CNTN4: variants seen among roughly 807,000 people sequenced by gnomAD.
CNTN4 encodes contactin-4.
Under a neutral mutation model 122.5 loss-of-function variants are expected in CNTN4, and 77 were observed. The ratio of observed to expected loss-of-function variants is 0.63; its 90% CI spans 0.52 to 0.76. The LOEUF (loss-of-function observed/expected upper bound fraction) is 0.76. Ranked by LOEUF, CNTN4 falls within the 30% of genes least tolerant of loss-of-function variation. The pLI is 0.00. For missense variants in CNTN4, 1,256 were observed against 1,259.1 expected (o/e 1.00, Z 0.04); for synonymous variants, 512 against 447.0 (o/e 1.15, Z -1.83).
intron 13 of CNTN4, among the ~76,000 whole-genome samples, chr3:2,933,268 C>G (rs757706514): frequency 6.6e-6 from 1 of 152,100 alleles, no homozygotes; most frequent in African/African-American, 2.4e-5. Context: ...TTTTCCTCTC[C>G]GTGGGAAGAT....
chr3:2,946,829 C>T (rs2151557385), intron 13 of CNTN4, among the ~76,000 whole-genome samples: 1 of 151,906 alleles, frequency 6.6e-6, no homozygotes, highest in South Asian at 2.1e-4. Flanking sequence ...TTCTTAGCCC[C>T]CATGTAGCTG....
At chr3:3,033,034 C>A (rs898291242) in intron 16 of CNTN4, among the ~76,000 whole-genome samples, 2 of 152,104 alleles carry the variant, frequency 1.3e-5, no homozygotes. Context: ...GAGAGGCCAA[C>A]AATGGACTCA....
intron 2 of CNTN4, among the ~76,000 whole-genome samples, chr3:2,218,612 G>A (rs1455889356): frequency 1.3e-5 from 2 of 152,164 alleles, no homozygotes; most frequent in African/African-American, 4.8e-5. Context: ...TTAAATATTT[G>A]TGATAACTAT....
intron 3 of CNTN4, among the ~76,000 whole-genome samples, chr3:2,533,829 G>A (rs2077693152): frequency 6.6e-6 from 1 of 152,154 alleles, no homozygotes; most frequent in Non-Finnish European, 1.5e-5. Context: ...GTGTCTCATT[G>A]TGGTTTTGAT....
intron 2 of CNTN4, among the ~76,000 whole-genome samples, chr3:2,334,532 A>G (rs1281240887): frequency 2.0e-5 from 3 of 150,122 alleles, no homozygotes; most frequent in Non-Finnish European, 4.4e-5. Context: ...AACAAACTAC[A>G]AGAGGTTATA....
intron 3 of CNTN4, among the ~76,000 whole-genome samples, chr3:2,348,349 C>A (rs1176071546): frequency 6.6e-6 from 1 of 152,148 alleles, no homozygotes; most frequent in African/African-American, 2.4e-5. Flanking sequence ...TTTCTACCTT[C>A]TTTTCATGGA....
At chr3:2,833,940 G>C (rs968866592) in intron 7 of CNTN4, among the ~76,000 whole-genome samples, 3 of 152,182 alleles carry the variant, frequency 2.0e-5, no homozygotes, top group Admixed American at 1.3e-4. Flanking sequence ...AGGAAATCGA[G>C]ACCATCCTGG....
intron 2 of CNTN4, among the ~76,000 whole-genome samples, chr3:2,235,403 C>G (rs558855178): frequency 5.5e-4 from 83 of 152,274 alleles, no homozygotes; most frequent in African/African-American, 1.9e-3. Context: ...TGTTTTTCAA[C>G]ATGCTACAGT....
At chr3:2,576,398 G>A (rs2079686518) in intron 4 of CNTN4, among the ~76,000 whole-genome samples, 1 of 152,166 alleles carries the variant, frequency 6.6e-6, no homozygotes, top group African/African-American at 2.4e-5. Context: ...CTATGGACTA[G>A]CAATACTATG....
chr3:2,949,046 C>G (rs2094708796), intron 13 of CNTN4, among the ~76,000 whole-genome samples: 1 of 152,136 alleles, frequency 6.6e-6, no homozygotes, highest in Non-Finnish European at 1.5e-5. Context: ...ATCTCTCTGA[C>G]CATATCTGCT....
At chr3:2,317,215 G>A (rs951387222) in intron 2 of CNTN4, among the ~76,000 whole-genome samples, 3 of 152,166 alleles carry the variant, frequency 2.0e-5, no homozygotes, top group African/African-American at 7.2e-5. Context: ...AGACCTGATG[G>A]ATTATCATAA....
chr3:2,428,622 C>T (rs763218619), intron 3 of CNTN4, among the ~76,000 whole-genome samples: 6 of 152,108 alleles, frequency 3.9e-5, no homozygotes, highest in Admixed American at 2.0e-4. Flanking sequence ...GTTGGCTTGC[C>T]TTGCTAGTTG....
At chr3:2,783,084 G>C (rs561297878) in intron 6 of CNTN4, among the ~76,000 whole-genome samples, 2 of 152,140 alleles carry the variant, frequency 1.3e-5, no homozygotes, top group Admixed American at 1.3e-4. Flanking sequence ...TTCAGGACCA[G>C]CCTGGGCAAC....
chr3:2,322,136 A>G (rs962721847), intron 2 of CNTN4, among the ~76,000 whole-genome samples: 1 of 152,176 alleles, frequency 6.6e-6, no homozygotes, highest in African/African-American at 2.4e-5. Flanking sequence ...AGATTACTCT[A>G]TCTATTTTGT....
At chr3:2,287,783 A>G (rs545029426) in intron 2 of CNTN4, among the ~76,000 whole-genome samples, 1 of 149,284 alleles carries the variant, frequency 6.7e-6, no homozygotes, top group Non-Finnish European at 1.5e-5. Flanking sequence ...AAGAAGGAGA[A>G]GAAGAGGAGG....
intron 10 of CNTN4, among the ~76,000 whole-genome samples, chr3:2,888,500 C>A (rs2094002818): frequency 6.6e-6 from 1 of 152,078 alleles, no homozygotes; most frequent in Non-Finnish European, 1.5e-5. Context: ...TCTGGTCTAC[C>A]TTTTGACATC....
Position 2,458,499 on chromosome 3 carries a change from G to A in CNTN4, c.-88-112917G>A, listed in dbSNP as rs181113718. ...TTTTCATATCTTCATTAAGTTTAAAGATATTAATTAAGCATTATCTATCTA... is the reference window on the plus strand; with the variant it reads ...TTTTCATATCTTCATTAAGTTTAAAAATATTAATTAAGCATTATCTATCTA... On this transcript the variant is annotated intron_variant, in intron 3 of 24. Coordinates refer to ENST00000418658, the MANE Select transcript of CNTN4 (RefSeq NM_175607.3). Among the ~76,000 whole-genome samples the A allele has an allele frequency of 2.1e-3, 317 of 152,238 alleles. 3 individuals are homozygous for A. Among genetic ancestry groups the A allele is most frequent in the East Asian group, 0.018 (91 of 5,182 alleles).
intron 12 of CNTN4, among the ~76,000 whole-genome samples, chr3:2,924,729 A>G (rs1194410131): frequency 6.6e-6 from 1 of 152,204 alleles, no homozygotes; most frequent in Non-Finnish European, 1.5e-5. Context: ...CTACACTCCA[A>G]GAACAAGTCA....
At position 2,978,175 on chromosome 3, in the gene CNTN4, G is replaced by A. The variant is rs578087520; in HGVS notation, c.1359-10170G>A. ...TAGTTTGTGGTGTGTTGCTATGGCA[G>A]CCATAGGAAACTACTACCACACCAC... On this transcript the variant is annotated intron_variant, in intron 13 of 24. Coordinates refer to ENST00000418658, the MANE Select transcript of CNTN4 (RefSeq NM_175607.3). 2.9e-4 allele frequency among the ~76,000 whole-genome samples: 44 copies of A among 152,254 alleles called. No individual in the cohort carries two copies. In the South Asian group the frequency reaches 3.9e-3, roughly 14 times the overall value.
Sources: allele counts gnomAD v4.1 joint callset (sites outside exome capture counted in the v4.1 genomes callset), GRCh38; gene constraint gnomAD v4.1.1; transcripts MANE v1.5; gene names NCBI Gene and HGNC (gene_info 2026-07-23, HGNC 2026-07-21).